MTNAP1: variants seen among roughly 807,000 people sequenced by gnomAD.
MTNAP1 encodes mitochondrial nucleoid associated protein 1.
At chr17:73,234,179 T>C in the MTNAP1 span, among the ~76,000 whole-genome samples, 74,441 of 151,956 alleles carry the variant, frequency 0.49, 18,541 homozygotes, top group East Asian at 0.62. Flanking sequence ...GTGTGCAGGA[T>C]AGATATGTTT....
At chr17:73,240,869 G>T in the MTNAP1 span, among the ~76,000 whole-genome samples, 60 of 111,410 alleles carry the variant, frequency 5.4e-4, no homozygotes, top group Non-Finnish European at 1.1e-3. Flanking sequence ...TTTCCAAGAT[G>T]AATGGGTTTT....
chr17:73,247,369 C>A, the MTNAP1 span: 28 of 1,609,740 alleles, frequency 1.7e-5, no homozygotes, highest in Non-Finnish European at 2.3e-5. Flanking sequence ...GAGAAGCCTT[C>A]GTGACTTCTC....
At chr17:73,242,381 G>T in the MTNAP1 span, 1 of 1,457,874 alleles carries the variant, frequency 6.9e-7, no homozygotes, top group Non-Finnish European at 9.3e-7. Context: ...GTTGTCTTCT[G>T]TTGCAGGTTC....
chr17:73,236,433 G>A, the MTNAP1 span: 1 of 1,614,142 alleles, frequency 6.2e-7, no homozygotes, highest in Non-Finnish European at 8.5e-7. Context: ...AGAAAAGTAT[G>A]TCTGCAACAG....
the MTNAP1 span, chr17:73,233,258 G>T: frequency 1.3e-5 from 2 of 152,358 alleles, no homozygotes; most frequent in Non-Finnish European, 2.9e-5. Flanking sequence ...CTCGGGAACG[G>T]TGATCGGGGA....
At chr17:73,236,868 G>A in the MTNAP1 span, 155 of 1,614,126 alleles carry the variant, frequency 9.6e-5, no homozygotes, top group East Asian at 3.0e-3. Context: ...GCATGGGGCT[G>A]GAGTGGTTTC....
chr17:73,239,045 C>G, the MTNAP1 span, among the ~76,000 whole-genome samples: 1 of 152,118 alleles, frequency 6.6e-6, no homozygotes, highest in African/African-American at 2.4e-5. Context: ...TCAAGCGATT[C>G]TCCTGCCTCA....
chr17:73,242,839 G>A, the MTNAP1 span: 22 of 1,403,084 alleles, frequency 1.6e-5, no homozygotes, highest in Middle Eastern at 2.3e-4. Flanking sequence ...AATGACTCGC[G>A]GATACTGGCC....
At chr17:73,241,695 TG>T in the MTNAP1 span, among the ~76,000 whole-genome samples, 1 of 152,098 alleles carries the variant, frequency 6.6e-6, no homozygotes, top group African/African-American at 2.4e-5. Context: ...TTTGGGAGGC[TG>T]GGGCGGGCAG....
At chr17:73,242,426 A>T in the MTNAP1 span, 1 of 998,798 alleles carries the variant, frequency 1.0e-6, no homozygotes. Context: ...CGGGCTGTTA[A>T]GCAAGGCTAA....
the MTNAP1 span, among the ~76,000 whole-genome samples, chr17:73,244,224 T>G: frequency 6.6e-5 from 10 of 152,300 alleles, no homozygotes; most frequent in South Asian, 2.1e-3. Context: ...ATATCAGCAT[T>G]TTTGTATAAT....
the MTNAP1 span, chr17:73,235,748 C>T: frequency 6.2e-7 from 1 of 1,614,170 alleles, no homozygotes; most frequent in Non-Finnish European, 8.5e-7. Flanking sequence ...CCAGAACAGA[C>T]AGTGAAGACC....
chr17:73,233,182 A>G, the MTNAP1 span: 1 of 152,364 alleles, frequency 6.6e-6, no homozygotes, highest in African/African-American at 2.4e-5. Context: ...CTCACTGTGC[A>G]TGCTGCCAAG....
At chr17:73,238,479 T>A in the MTNAP1 span, among the ~76,000 whole-genome samples, 1 of 152,248 alleles carries the variant, frequency 6.6e-6, no homozygotes, top group East Asian at 1.9e-4. Flanking sequence ...TTGCCTGGTC[T>A]CAAAATGGAT....
Sources: allele counts gnomAD v4.1 joint callset (sites outside exome capture counted in the v4.1 genomes callset), GRCh38; gene constraint gnomAD v4.1.1; transcripts MANE v1.5; gene names NCBI Gene and HGNC (gene_info 2026-07-23, HGNC 2026-07-21).